WDR59: variants seen among roughly 807,000 people sequenced by gnomAD.
WDR59 encodes the protein WD repeat domain 59, also known as GATOR2 complex protein WDR59.
Under a neutral mutation model 131.2 loss-of-function variants are expected in WDR59, and 100 were observed. The observed-to-expected ratio is 0.76, with a 90% CI of 0.65 to 0.90. The LOEUF (loss-of-function observed/expected upper bound fraction) is 0.90, where lower values mean the gene tolerates loss of function less well. WDR59 is among the 40% of genes least tolerant of loss of function. The probability of loss-of-function intolerance (pLI) is 0.00; values close to 1 mark genes in which losing one functional copy is unlikely to be tolerated. For synonymous variants in WDR59, 601 were observed against 466.2 expected (o/e 1.29, Z -3.72); for missense variants, 1,203 against 1,262.2 (o/e 0.95, Z 0.71).
intron 1 of WDR59, among the ~76,000 whole-genome samples, chr16:74,974,345 G>A (rs1165783656): frequency 1.3e-5 from 2 of 152,106 alleles, no homozygotes; most frequent in Non-Finnish European, 2.9e-5. Context: ...TATTTTGTCA[G>A]GCCAAGTGTG....
chr16:74,939,848 C>T (rs1386285676), intron 7 of WDR59, among the ~76,000 whole-genome samples: 1 of 151,930 alleles, frequency 6.6e-6, no homozygotes, highest in Non-Finnish European at 1.5e-5. Flanking sequence ...TTTTTAATTA[C>T]CTCATCATAG....
intron 7 of WDR59, among the ~76,000 whole-genome samples, chr16:74,941,638 G>A (rs1403327425): frequency 6.6e-6 from 1 of 150,962 alleles, no homozygotes; most frequent in African/African-American, 2.4e-5. Context: ...AGGTTGCAGT[G>A]AGCCAAGGTC....
chr16:74,904,947 A>G (rs1215024234), intron 17 of WDR59, among the ~76,000 whole-genome samples: 1 of 152,264 alleles, frequency 6.6e-6, no homozygotes, highest in African/African-American at 2.4e-5. Context: ...ATTTTTCTCT[A>G]CAAAATAAAA....
rs1966386953 is a variant in WDR59 at position 74,916,378 on chromosome 16, G to A, written c.967-119C>T. On this transcript the variant is annotated intron_variant, in intron 11 of 25. Transcript: ENST00000262144. Reference sequence around the variant, plus strand: ...CAAAGGATGGGGATGTGTCAGCCAAGAGCTGACATAATCAAAATAGATTTT... The same window carrying A: ...CAAAGGATGGGGATGTGTCAGCCAAAAGCTGACATAATCAAAATAGATTTT... 7.1e-6 allele frequency: 9 copies of A among 1,264,090 alleles called. No homozygotes were observed. In the South Asian group the frequency reaches 1.0e-4, roughly 15 times the overall value. The allele number at this position is 1,264,090 out of a possible 1,614,324, so 78.3% of individuals were successfully genotyped here.
intron 18 of WDR59, among the ~76,000 whole-genome samples, chr16:74,895,012 G>A (rs1965225198): frequency 6.6e-6 from 1 of 152,166 alleles, no homozygotes; most frequent in Non-Finnish European, 1.5e-5. Context: ...TTCTGTAAGT[G>A]ATTTTTATAC....
chr16:74,904,710 G>C (rs772999595), intron 17 of WDR59, among the ~76,000 whole-genome samples: 7 of 152,108 alleles, frequency 4.6e-5, no homozygotes, highest in Non-Finnish European at 1.0e-4. Flanking sequence ...CAGCCAACCT[G>C]AACTAAACAA....
At chr16:74,935,667 T>C (rs960237492) in intron 8 of WDR59, among the ~76,000 whole-genome samples, 2 of 152,168 alleles carry the variant, frequency 1.3e-5, no homozygotes, top group African/African-American at 2.4e-5. Flanking sequence ...AATGGTTGAA[T>C]GTTATGCAAA....
chr16:74,977,947 C>T (rs954078681), intron 1 of WDR59, among the ~76,000 whole-genome samples: 1 of 151,990 alleles, frequency 6.6e-6, no homozygotes, highest in Admixed American at 6.6e-5. Context: ...GTGGCTCATG[C>T]CTGTAATCCC....
Position 74,888,246 on chromosome 16 carries a change from G to T in WDR59, c.2269C>A (p.Arg757=). The part of the protein sequence containing the change: ...MLCSVFEAQS[R]PQGLPNPFGP... ...AAGGGGTTTGGTAGCCCCTGAGGCC[G>T]AGACTGGGCTTCAAACACGCTACAG... Residue 757 remains arginine, a synonymous_variant, in exon 22 of 26, where the codon CGG becomes AGG. Coordinates refer to ENST00000262144, the MANE Select transcript of WDR59 (RefSeq NM_030581.4). 1.9e-6 allele frequency: 3 copies of T among 1,614,118 alleles called. No homozygotes were observed. In the South Asian group the frequency reaches 3.3e-5, roughly 18 times the overall value.
chr16:74,909,527 G>A lies in WDR59; in HGVS notation c.1616C>T (p.Thr539Ile). 6.3e-7 allele frequency: 1 copy of A among 1,596,294 alleles called. No individual in the cohort carries two copies. Among genetic ancestry groups the A allele is most frequent in the Non-Finnish European group, 8.5e-7 (1 of 1,173,688 alleles). Residue 539 changes from threonine to isoleucine, a missense_variant, in exon 16 of 26, where the codon ACT becomes ATT. Physicochemically the swap from Thr to Ile is moderately conservative, Grantham distance 89 (BLOSUM62 -1). Transcript: ENST00000262144. ...TGCTCCGCAGAACCTGGCCCCAGAA[G>A]TCCTAGGAAAGGGAATGTTGGCGTC... The part of the protein sequence containing the change: ...YQDANIPFPR[T>I]SGARFCGAGY...
chr16:74,875,400 T>C (rs1482006243), intron 25 of WDR59, among the ~76,000 whole-genome samples: 1 of 152,226 alleles, frequency 6.6e-6, no homozygotes, highest in Non-Finnish European at 1.5e-5. Flanking sequence ...GACTGACCTT[T>C]CTGCTGGAGG....
At chr16:74,981,332 T>C (rs2034395389) in intron 1 of WDR59, among the ~76,000 whole-genome samples, 1 of 147,718 alleles carries the variant, frequency 6.8e-6, no homozygotes, top group Admixed American at 6.8e-5. Context: ...GCAGAGATCA[T>C]GCCACTGCAC....
At chr16:74,943,254 T>A (rs1274351691) in intron 6 of WDR59, among the ~76,000 whole-genome samples, 2 of 143,372 alleles carry the variant, frequency 1.4e-5, no homozygotes, top group South Asian at 2.2e-4. Context: ...TTTTTTTTTT[T>A]AATTGTTGAG....
intron 25 of WDR59, among the ~76,000 whole-genome samples, chr16:74,876,771 G>A (rs371529831): frequency 6.6e-6 from 1 of 152,118 alleles, no homozygotes; most frequent in African/African-American, 2.4e-5. Flanking sequence ...ATGGCTCAGC[G>A]TATGAACCGA....
intron 25 of WDR59, among the ~76,000 whole-genome samples, chr16:74,879,127 G>C (rs904535478): frequency 1.3e-5 from 2 of 151,944 alleles, no homozygotes; most frequent in Admixed American, 1.3e-4. Flanking sequence ...CCGAGGTGGG[G>C]GTATCGCTTG....
In WDR59 at chr16:74,959,829, C is replaced by T. The variant is rs182163844; in HGVS notation, c.105-3219G>A. Among the ~76,000 whole-genome samples the T allele has an allele frequency of 5.6e-3, 584 of 103,530 alleles. 4 individuals carry two copies. The highest frequency in any genetic ancestry group is 0.021 in the African/African-American group (558 of 26,994). The allele number at this position is 103,530 out of a possible 152,430, so 67.9% of individuals were successfully genotyped here. ...TCCCCACCGCCCTCCAAAATAATAA[C>T]AATAAGAAAAAAAAAAAAAGAGGAA... On this transcript the variant is annotated intron_variant, in intron 2 of 25. Coordinates refer to ENST00000262144, the MANE Select transcript of WDR59 (RefSeq NM_030581.4).
intron 3 of WDR59, among the ~76,000 whole-genome samples, chr16:74,955,114 G>A (rs2033218241): frequency 6.6e-6 from 1 of 152,212 alleles, no homozygotes; most frequent in Non-Finnish European, 1.5e-5. Context: ...AATTGTGAAG[G>A]AACAAATTTT....
intron 2 of WDR59, among the ~76,000 whole-genome samples, chr16:74,958,871 C>A (rs984965567): frequency 6.6e-6 from 1 of 151,476 alleles, no homozygotes. Context: ...GAGACTAGCC[C>A]GACCAACATG....
chr16:74,919,108 G>C (rs539665859), intron 10 of WDR59, among the ~76,000 whole-genome samples: 1 of 152,126 alleles, frequency 6.6e-6, no homozygotes, highest in East Asian at 1.9e-4. Flanking sequence ...CCCTCGACCT[G>C]TGCCTCCCCC....
Sources: allele counts gnomAD v4.1 joint callset (sites outside exome capture counted in the v4.1 genomes callset), GRCh38; gene constraint gnomAD v4.1.1; transcripts MANE v1.5; gene names NCBI Gene and HGNC (gene_info 2026-07-23, HGNC 2026-07-21).